Variants in FHDC1 observed in about 807,000 individuals in gnomAD.
FHDC1 encodes the protein FH2 domain containing 1.
FHDC1 carries 25 observed loss-of-function variants against 52.6 expected under a neutral mutation model. That is an observed-to-expected ratio of 0.48 (90% CI 0.35 to 0.66). The LOEUF is 0.66. FHDC1 is among the 30% of genes least tolerant of loss of function. The probability of loss-of-function intolerance (pLI) is 0.01; values close to 1 mark genes in which losing one functional copy is unlikely to be tolerated. For synonymous variants in FHDC1, 616 were observed against 581.5 expected (o/e 1.06, Z -0.85); for missense variants, 1,459 against 1,452.8 (o/e 1.00, Z -0.07).
intron 4 of FHDC1, among the ~76,000 whole-genome samples, chr4:152,959,102 G>C (rs1027482920): frequency 6.6e-6 from 1 of 152,194 alleles, no homozygotes; most frequent in African/African-American, 2.4e-5. Context: ...TCATAACCAA[G>C]GGAGTGGAAG....
chr4:152,924,149 A>G, the FHDC1 span, among the ~76,000 whole-genome samples: 1 of 152,154 alleles, frequency 6.6e-6, no homozygotes, highest in South Asian at 2.1e-4. Context: ...ATGAACTCAA[A>G]CAAATTTACA....
chr4:152,950,289 C>G (rs1299366570), intron 2 of FHDC1, among the ~76,000 whole-genome samples: 1 of 152,194 alleles, frequency 6.6e-6, no homozygotes, highest in Non-Finnish European at 1.5e-5. Flanking sequence ...CTTTAAAGGA[C>G]TTCAACAGTC....
Position 152,976,678 on chromosome 4 carries a change from C to T in FHDC1, c.3387C>T (p.Ser1129=). ...GERASLRRKD[S]SRTTLGRILN... The stretch of plus-strand genomic sequence containing the variant: ...GGGCCTCCCTCCGTCGGAAGGACTC[C>T]AGTCGGACCACGCTGGGGAGAATCC... The change falls in exon 12 of 12, where the codon TCC becomes TCT. Residue 1129 remains serine (S), a synonymous_variant. Coordinates refer to ENST00000511601, the MANE Select transcript of FHDC1 (RefSeq NM_001371116.1). The T allele has an allele frequency of 6.5e-7, 1 of 1,546,946 alleles. No individual in the cohort carries two copies.
At chr4:152,914,761 A>G in the FHDC1 span, among the ~76,000 whole-genome samples, 1 of 152,216 alleles carries the variant, frequency 6.6e-6, no homozygotes, top group Non-Finnish European at 1.5e-5. Context: ...GTTCATATAA[A>G]TAACTTACAG....
chr4:152,929,697 G>A, the FHDC1 span, among the ~76,000 whole-genome samples: 1 of 152,138 alleles, frequency 6.6e-6, no homozygotes, highest in Admixed American at 6.5e-5. This position sits in a 1 kb window ranked among gnomAD's most constrained non-coding sequence, Gnocchi z 4.1. Flanking sequence ...TTCTTCCCCT[G>A]CCATAGACAA....
upstream of FHDC1, among the ~76,000 whole-genome samples, chr4:152,932,405 A>AAAAG (rs994737069): frequency 1.3e-4 from 20 of 151,944 alleles, no homozygotes; most frequent in Non-Finnish European, 2.4e-4. Flanking sequence ...CTATCTCAAA[A>AAAAG]AAAAAAAAAG....
chr4:152,947,683 AT>A (rs1274314326), intron 2 of FHDC1, among the ~76,000 whole-genome samples: 2 of 152,198 alleles, frequency 1.3e-5, no homozygotes, highest in East Asian at 3.8e-4. Context: ...ACAGATCAAA[AT>A]TGGGGCTCAC....
chr4:152,923,291 C>G, the FHDC1 span, among the ~76,000 whole-genome samples: 1 of 152,084 alleles, frequency 6.6e-6, no homozygotes, highest in Admixed American at 6.5e-5. Flanking sequence ...CCTAGGAATC[C>G]AACTTACAAG....
chr4:152,937,670 G>T (rs961027009), intron 1 of FHDC1, among the ~76,000 whole-genome samples: 1 of 151,768 alleles, frequency 6.6e-6, no homozygotes, highest in Non-Finnish European at 1.5e-5. Flanking sequence ...TTCTCTCCCC[G>T]CCGCAGAGCT....
rs201178164 is a variant in FHDC1, at chr4:152,976,364, G to A, written c.3073G>A (p.Val1025Ile). The A allele has an allele frequency of 4.4e-4, 707 of 1,613,790 alleles. No homozygotes were observed. The highest frequency in any genetic ancestry group is 4.8e-4 in the Non-Finnish European group (572 of 1,180,016). ...EEPKTPSVPS[V>I]PHELPRVPSF... is the part of the protein sequence containing the mutation. Reference sequence around the variant, plus strand: ...GCCCAAGACCCCGTCAGTGCCCAGCGTCCCCCACGAACTACCCCGTGTCCC... The same window carrying A: ...GCCCAAGACCCCGTCAGTGCCCAGCATCCCCCACGAACTACCCCGTGTCCC... The change falls in exon 12 of 12, where the codon GTC (valine) becomes ATC (isoleucine). Residue 1025 changes from valine to isoleucine, a missense_variant. Transcript: ENST00000511601.
the FHDC1 span, among the ~76,000 whole-genome samples, chr4:152,927,276 C>T: frequency 2.0e-5 from 3 of 152,228 alleles, no homozygotes; most frequent in Non-Finnish European, 1.5e-5. Context: ...ATAAAGTAAG[C>T]TCAAGCTGGT....
Position 152,975,348 on chromosome 4 carries a change from G to A in FHDC1, c.2057G>A (p.Gly686Asp). 4 of 1,613,674 alleles carry A rather than the reference G, an allele frequency of 2.5e-6. No individual in the cohort carries two copies. The South Asian group carries it at 4.4e-5, about 18-fold the overall frequency. The change falls in exon 12 of 12, where the codon GGT becomes GAT. Residue 686 changes from glycine to aspartate, a missense_variant. This residue lies in a region of FHDC1 where 939 missense variants were observed against 854.5 expected (regional missense o/e 1.10). Transcript: ENST00000511601. Reference sequence around the variant, plus strand: ...GGGCTGGCCCAGTTCAACCTCCAGGGTTCCCAGGGCATGGAGGAGACCTCC... The same window carrying A: ...GGGCTGGCCCAGTTCAACCTCCAGGATTCCCAGGGCATGGAGGAGACCTCC... ...VTGLAQFNLQ[G>D]SQGMEETSQL...
chr4:152,930,989 ACACACACACTCT>A, the FHDC1 span, among the ~76,000 whole-genome samples: 27 of 146,136 alleles, frequency 1.8e-4, no homozygotes, highest in Admixed American at 1.2e-3. Context: ...ACACACACAC[ACACACACACTCT>A]CTCTCTCTCT....
At chr4:152,952,428 A>G (rs953045519) in intron 2 of FHDC1, among the ~76,000 whole-genome samples, 2 of 152,172 alleles carry the variant, frequency 1.3e-5, no homozygotes, top group East Asian at 1.9e-4. Context: ...AAACATTTAA[A>G]GTGTATATTT....
rs61752497 is a variant in FHDC1, at chr4:152,976,538, A to G, written c.3247A>G (p.Ser1083Gly). ...GDPEDAAPKD[S>G]STLRRASSAR... ...CCCCGAGGATGCCGCTCCCAAGGAC[A>G]GCAGCACTTTGAGGCGAGCCAGCAG... Residue 1083 changes from serine (S) to glycine (G), a missense_variant, in exon 12 of 12, where the codon AGC (serine) becomes GGC (glycine). Ser to Gly is a moderately conservative substitution (Grantham distance 56, BLOSUM62 0). Around this residue, in one of 3 missense-constraint regions of FHDC1, gnomAD observed 939 missense variants for 854.5 expected, o/e 1.10. Transcript: ENST00000511601. 3.4e-3 allele frequency: 5,515 copies of G among 1,613,124 alleles called. 140 individuals are homozygous for G. The African/African-American group carries it at 0.057, about 17-fold the overall frequency.
chr4:152,942,960 C>T lies in FHDC1; in HGVS notation c.-98C>T, dbSNP rs1211985083. On this transcript the variant is annotated 5_prime_UTR_variant, in exon 2 of 12. Coordinates refer to ENST00000511601, the MANE Select transcript of FHDC1 (RefSeq NM_001371116.1). ...AGAGGACAGTTGCCCTTTATTCTGG[C>T]GGCAGATAGCAGCAGGTGAAAAAGT... The T allele has an allele frequency of 1.9e-5, 25 of 1,333,970 alleles. No homozygotes were observed. The highest frequency in any genetic ancestry group is 1.1e-4 in the South Asian group (8 of 70,324). 82.6% of individuals were successfully genotyped at this position (1,333,970 alleles called of 1,614,324 possible).
At chr4:152,943,576 G>A (rs149057883) in intron 2 of FHDC1, 21 bp downstream of exon 2, 2 of 1,596,874 alleles carry the variant, frequency 1.3e-6, no homozygotes, top group Non-Finnish European at 1.7e-6. Flanking sequence ...AAGGTGGAGG[G>A]CTAATCCTCC....
chr4:152,941,617 A>G (rs959859985), intron 1 of FHDC1, among the ~76,000 whole-genome samples: 6 of 152,242 alleles, frequency 3.9e-5, no homozygotes, highest in Admixed American at 2.0e-4. Context: ...GAGAAAAAGC[A>G]GTCTATTCCT....
intron 1 of FHDC1, among the ~76,000 whole-genome samples, chr4:152,939,165 C>T (rs548710059): frequency 4.4e-4 from 67 of 152,202 alleles, no homozygotes; most frequent in Non-Finnish European, 8.8e-5. Flanking sequence ...CTGCAACCTC[C>T]GACTCCCTGA....
Sources: allele counts gnomAD v4.1 joint callset (sites outside exome capture counted in the v4.1 genomes callset), GRCh38; gene constraint gnomAD v4.1.1; regional missense constraint gnomAD v4.1.1; non-coding constraint Gnocchi (gnomAD v3.1); transcripts MANE v1.5; gene names NCBI Gene and HGNC (gene_info 2026-07-23, HGNC 2026-07-21).